ITGA8: variants seen among roughly 807,000 people sequenced by gnomAD.
ITGA8 encodes integrin subunit alpha 8, also known as integrin alpha-8.
ITGA8 carries 91 observed loss-of-function variants against 142.3 expected under a neutral mutation model. The ratio of observed to expected loss-of-function variants is 0.64; its 90% CI spans 0.54 to 0.76. ITGA8 has a LOEUF of 0.76. Ranked by LOEUF, ITGA8 falls within the 30% of genes least tolerant of loss-of-function variation. The pLI, the probability that ITGA8 is intolerant of heterozygous loss-of-function variation, is 0.00. For synonymous variants in ITGA8, 505 were observed against 485.2 expected (o/e 1.04, Z -0.54); for missense variants, 1,406 against 1,327.7 (o/e 1.06, Z -0.92).
At chr10:15,568,535 A>G (rs186837579) in intron 25 of ITGA8, among the ~76,000 whole-genome samples, 1 of 152,324 alleles carries the variant, frequency 6.6e-6, no homozygotes, top group Non-Finnish European at 1.5e-5. Context: ...GTCTTATCAG[A>G]TGCTGAGACT....
chr10:15,608,099 G>C, intron 16 of ITGA8, 136 bp downstream of exon 16: 2 of 692,940 alleles, frequency 2.9e-6, no homozygotes, highest in Non-Finnish European at 5.0e-6. Flanking sequence ...ATATTTATTA[G>C]AAGGTTCCAT....
intron 27 of ITGA8, among the ~76,000 whole-genome samples, chr10:15,539,239 A>C (rs1833519227): frequency 6.6e-6 from 1 of 152,130 alleles, no homozygotes; most frequent in Non-Finnish European, 1.5e-5. Context: ...ATTCTGATTG[A>C]ATGTCACTAA....
intron 27 of ITGA8, among the ~76,000 whole-genome samples, chr10:15,544,112 T>C (rs78385081): frequency 6.6e-6 from 1 of 151,986 alleles, no homozygotes; most frequent in Non-Finnish European, 1.5e-5. Flanking sequence ...CTAAGCAACA[T>C]AGCAAGATAT....
chr10:15,622,992 T>C (rs1264675895), intron 13 of ITGA8, among the ~76,000 whole-genome samples: 1 of 152,202 alleles, frequency 6.6e-6, no homozygotes, highest in African/African-American at 2.4e-5. Context: ...GCTTATAGGC[T>C]GTTTGAGGGA....
At chr10:15,643,976 T>C in intron 13 of ITGA8, 54 bp downstream of exon 13, 3 of 1,503,322 alleles carry the variant, frequency 2.0e-6, no homozygotes, top group South Asian at 1.3e-5. Flanking sequence ...TTTCAGAAAA[T>C]GGACTCTATT....
intron 22 of ITGA8, 96 bp downstream of exon 22, chr10:15,592,128 GC>G (rs2131596594): frequency 1.3e-6 from 1 of 749,652 alleles, no homozygotes; most frequent in East Asian, 2.7e-5. Context: ...TTTCAGGTGA[GC>G]TTTTAAGGCC....
intron 2 of ITGA8, among the ~76,000 whole-genome samples, chr10:15,705,147 T>C (rs1835234307): frequency 6.6e-6 from 1 of 152,190 alleles, no homozygotes; most frequent in Admixed American, 6.5e-5. Context: ...TCTTAAATCC[T>C]ACCTAAACAG....
Position 15,671,606 on chromosome 10 carries a change from G to C in ITGA8, c.844C>G (p.Gln282Glu). The C allele has an allele frequency of 6.2e-7, 1 of 1,612,214 alleles. No homozygotes were observed. Among genetic ancestry groups the C allele is most frequent in the East Asian group, 2.2e-5 (1 of 44,828 alleles). ...TAAACTCAACAGTGCCTCTCACCTT[G>C]CTGAGAATCCCCAGTAAACTCCCCA... The part of the protein sequence containing the change: ...AAGEFTGDSQ[Q>E]ELVAGIPRGA... The change falls in exon 8 of 30, where the codon CAA (glutamine) becomes GAA (glutamate). Residue 282 changes from glutamine to glutamate, a missense_variant. Gln to Glu is a conservative substitution (Grantham distance 29). Transcript: ENST00000378076.
At chr10:15,637,064 G>T (rs746100663) in intron 13 of ITGA8, among the ~76,000 whole-genome samples, 3 of 152,196 alleles carry the variant, frequency 2.0e-5, no homozygotes, top group Non-Finnish European at 2.9e-5. Flanking sequence ...AGAATCCCTT[G>T]AACCTGGGCG....
At chr10:15,606,461 A>C in intron 17 of ITGA8, 39 bp from the exon 18 acceptor site, 1 of 1,563,294 alleles carries the variant, frequency 6.4e-7, no homozygotes, top group Non-Finnish European at 8.7e-7. Flanking sequence ...AGGCTCCATG[A>C]AATAGCTGCA....
chr10:15,590,808 C>T (rs1333572654), intron 22 of ITGA8, among the ~76,000 whole-genome samples: 1 of 152,118 alleles, frequency 6.6e-6, no homozygotes, highest in Non-Finnish European at 1.5e-5. Flanking sequence ...TGTATCCCAT[C>T]ACTAAATTTT....
intron 13 of ITGA8, among the ~76,000 whole-genome samples, chr10:15,617,059 G>A (rs1429949572): frequency 2.0e-5 from 3 of 152,152 alleles, no homozygotes; most frequent in Non-Finnish European, 4.4e-5. Flanking sequence ...TTTTGGCAAA[G>A]CAATCAGTAG....
chr10:15,708,968 C>T (rs575553617), intron 2 of ITGA8, among the ~76,000 whole-genome samples: 1 of 152,278 alleles, frequency 6.6e-6, no homozygotes, highest in East Asian at 1.9e-4. Context: ...ACCTTAGATG[C>T]TTTAAGCCAA....
chr10:15,523,740 T>A (rs1351223911), intron 28 of ITGA8, among the ~76,000 whole-genome samples: 2 of 136,720 alleles, frequency 1.5e-5, no homozygotes, highest in African/African-American at 5.7e-5. Flanking sequence ...TGAAACCCCA[T>A]CTCTACTAAA....
rs145072398 is a variant in ITGA8 at position 15,613,689 on chromosome 10, C to G, written c.1524G>C (p.Gln508His). 1 of 1,613,808 alleles carries G rather than the reference C, an allele frequency of 6.2e-7. No homozygotes were observed. The highest frequency in any genetic ancestry group is 1.3e-5 in the African/African-American group (1 of 74,912). ...MIINLENKTC[Q>H]VPDSMTSAAC... ...CAGCAGATGTCATAGAGTCTGGAAC[C>G]TGGCAAGTTTTATTTTCAAGATTGA... Residue 508 changes from glutamine to histidine, a missense_variant, in exon 15 of 30, where the codon CAG becomes CAC. By Grantham distance (24) the Gln-to-His change is conservative. Coordinates refer to ENST00000378076, the MANE Select transcript of ITGA8 (RefSeq NM_003638.3).
At chr10:15,612,265 A>G (rs1833311866) in intron 15 of ITGA8, among the ~76,000 whole-genome samples, 2 of 152,030 alleles carry the variant, frequency 1.3e-5, no homozygotes, top group South Asian at 4.1e-4. Flanking sequence ...CTAAGTCCCC[A>G]CCCTCCACCC....
At chr10:15,598,882 G>A (rs1261566163) in intron 20 of ITGA8, among the ~76,000 whole-genome samples, 1 of 152,134 alleles carries the variant, frequency 6.6e-6, no homozygotes, top group Non-Finnish European at 1.5e-5. Context: ...CAAAAAGGTG[G>A]TAATATTCTT....
chr10:15,525,823 T>G (rs1438797012), intron 28 of ITGA8, among the ~76,000 whole-genome samples: 2 of 152,120 alleles, frequency 1.3e-5, no homozygotes, highest in Non-Finnish European at 1.5e-5. Flanking sequence ...GATTAAACTA[T>G]TATCATTTTA....
intron 6 of ITGA8, among the ~76,000 whole-genome samples, chr10:15,673,566 T>C (rs1195390536): frequency 6.6e-6 from 1 of 152,198 alleles, no homozygotes; most frequent in Non-Finnish European, 1.5e-5. Flanking sequence ...GGTATTCTAA[T>C]AAAACATTTT....
Sources: allele counts gnomAD v4.1 joint callset (sites outside exome capture counted in the v4.1 genomes callset), GRCh38; gene constraint gnomAD v4.1.1; transcripts MANE v1.5; gene names NCBI Gene and HGNC (gene_info 2026-07-23, HGNC 2026-07-21).